RAI14: variants seen among roughly 807,000 people sequenced by gnomAD.
RAI14 encodes retinoic acid induced 14.
Under a neutral mutation model 115.4 loss-of-function variants are expected in RAI14, and 45 were observed. The observed-to-expected ratio is 0.39, with a 90% CI of 0.31 to 0.50. The LOEUF (loss-of-function observed/expected upper bound fraction) is 0.50. Among genes scored for constraint, RAI14 ranks in the 20% least tolerant of loss-of-function variants. The pLI is 0.85. For missense variants in RAI14, 939 were observed against 1,131.2 expected (o/e 0.83, Z 2.44); for synonymous variants, 371 against 415.4 (o/e 0.89, Z 1.30).
intron 3 of RAI14, among the ~76,000 whole-genome samples, chr5:34,783,596 A>C (rs1022872115): frequency 6.6e-6 from 1 of 152,176 alleles, no homozygotes; most frequent in Non-Finnish European, 1.5e-5. Context: ...TGCTGACAGC[A>C]TCTGGCCTTT....
chr5:34,732,114 G>C (rs1396468984), intron 2 of RAI14, among the ~76,000 whole-genome samples: 1 of 152,204 alleles, frequency 6.6e-6, no homozygotes, highest in East Asian at 1.9e-4. Flanking sequence ...GTCCAACATG[G>C]GATCAGCCAG....
At chr5:34,810,289 C>T (rs1472377503) in intron 7 of RAI14, among the ~76,000 whole-genome samples, 1 of 152,022 alleles carries the variant, frequency 6.6e-6, no homozygotes, top group Non-Finnish European at 1.5e-5. Context: ...TGTGTCAGAC[C>T]TAAGATTACA....
At chr5:34,665,178 C>CATATATATATATATATATATATAT (rs201354748) in intron 1 of RAI14, among the ~76,000 whole-genome samples, 2 of 7,088 alleles carry the variant, frequency 2.8e-4, no homozygotes, top group Non-Finnish European at 6.2e-4. Context: ...TATATACACA[C>CATATATATATATATATATATATAT]ATATATATAT....
At chr5:34,780,293 C>A (rs893984629) in intron 3 of RAI14, among the ~76,000 whole-genome samples, 8 of 152,212 alleles carry the variant, frequency 5.3e-5, no homozygotes, top group African/African-American at 1.9e-4. Context: ...TAGGCAATAC[C>A]ATTCAGGACA....
At chr5:34,822,664 CTTTTTTTTTTTTTTTTTTTTTTTTT>C (rs143092935) in intron 14 of RAI14, among the ~76,000 whole-genome samples, 2 of 47,534 alleles carry the variant, frequency 4.2e-5, no homozygotes, top group East Asian at 7.2e-4. Flanking sequence ...CCTTTGGTAT[CTTTTTTTTTTTTTTTTTTTTTTTTT>C]TTTTTTTTTT....
intron 2 of RAI14, among the ~76,000 whole-genome samples, chr5:34,728,212 C>T (rs1415101549): frequency 1.3e-5 from 2 of 152,178 alleles, no homozygotes; most frequent in Non-Finnish European, 2.9e-5. Context: ...AACCAACTTA[C>T]TTTTAATTTT....
At chr5:34,714,031 T>G (rs1303779348) in intron 2 of RAI14, among the ~76,000 whole-genome samples, 1 of 152,128 alleles carries the variant, frequency 6.6e-6, no homozygotes, top group African/African-American at 2.4e-5. Flanking sequence ...CTCGAACTCC[T>G]GACCTCATGA....
intron 2 of RAI14, among the ~76,000 whole-genome samples, chr5:34,722,721 T>C (rs1742931447): frequency 6.6e-6 from 1 of 151,244 alleles, no homozygotes; most frequent in Admixed American, 6.6e-5. Context: ...TGTTGTGCTC[T>C]TGTAATTCCA....
intron 2 of RAI14, among the ~76,000 whole-genome samples, chr5:34,696,367 A>G (rs369697711): frequency 7.2e-5 from 11 of 151,880 alleles, no homozygotes; most frequent in African/African-American, 2.4e-4. Context: ...CGATCTCCTG[A>G]CCTCATGATC....
chr5:34,804,216 A>G (rs1474103723), intron 5 of RAI14, among the ~76,000 whole-genome samples: 1 of 152,154 alleles, frequency 6.6e-6, no homozygotes, highest in Non-Finnish European at 1.5e-5. Flanking sequence ...TTATTTCCTC[A>G]TATGTAACTT....
At position 34,811,052 on chromosome 5, in the gene RAI14, A is replaced by T; in HGVS notation, c.491A>T (p.His164Leu). ...CTGCTTCTTGCTGTACAAAATGGTC[A>T]CAGTGAGATCTGTCACTTTCTCCTG... ...IPLLLAVQNG[H>L]SEICHFLLDH... Residue 164 changes from histidine (H) to leucine (L), a missense_variant, in exon 8 of 18, where the codon CAC becomes CTC. Coordinates refer to ENST00000265109, the MANE Select transcript of RAI14 (RefSeq NM_015577.3). 6.2e-7 allele frequency: 1 copy of T among 1,614,140 alleles called. No individual in the cohort carries two copies. The highest frequency in any genetic ancestry group is 8.5e-7 in the Non-Finnish European group (1 of 1,180,020).
At chr5:34,821,598 C>T in intron 13 of RAI14, 134 bp from the exon 14 acceptor site, 1 of 597,632 alleles carries the variant, frequency 1.7e-6, no homozygotes, top group Non-Finnish European at 3.0e-6. Context: ...TTAGTTCACC[C>T]ATCCAGCTGC....
chr5:34,759,130 G>A (rs894337181), intron 3 of RAI14, among the ~76,000 whole-genome samples: 1 of 152,156 alleles, frequency 6.6e-6, no homozygotes, highest in African/African-American at 2.4e-5. Flanking sequence ...AGGTATGGTG[G>A]CAGGCACCTA....
At chr5:34,829,620 A>G (rs1757818720) in intron 16 of RAI14, 112 bp from the exon 17 acceptor site, 3 of 750,018 alleles carry the variant, frequency 4.0e-6, no homozygotes, top group Admixed American at 5.6e-5. Flanking sequence ...GCTAGCATAA[A>G]GTGGAGGGGA....
chr5:34,766,316 C>T (rs1413102799), intron 3 of RAI14, among the ~76,000 whole-genome samples: 1 of 152,176 alleles, frequency 6.6e-6, no homozygotes, highest in African/African-American at 2.4e-5. Flanking sequence ...CACTCAACAC[C>T]AGCCCGTGAG....
At chr5:34,738,898 C>T (rs912024479) in intron 2 of RAI14, among the ~76,000 whole-genome samples, 1 of 152,124 alleles carries the variant, frequency 6.6e-6, no homozygotes, top group African/African-American at 2.4e-5. Flanking sequence ...GATGAATTTT[C>T]CCCTAAGTTC....
chr5:34,743,344 A>G (rs547054193), intron 2 of RAI14, among the ~76,000 whole-genome samples: 1 of 152,094 alleles, frequency 6.6e-6, no homozygotes, highest in African/African-American at 2.4e-5. Context: ...TTGTAGGCAC[A>G]CCACTCTAAT....
At chr5:34,690,734 G>T (rs115732657) in intron 2 of RAI14, among the ~76,000 whole-genome samples, 2,496 of 151,576 alleles carry the variant, frequency 0.016, 71 homozygotes, top group African/African-American at 0.057. Flanking sequence ...GGACCCTGCA[G>T]ATAACCCACA....
At position 34,822,349 on chromosome 5, in the gene RAI14, TAAG is replaced by T. The variant is rs1441727401; in HGVS notation, c.1113+508_1113+510del. On this transcript the variant is annotated intron_variant, in intron 14 of 17. Coordinates refer to ENST00000265109, the MANE Select transcript of RAI14 (RefSeq NM_015577.3). Reference sequence around the variant, plus strand: ...GATAAGAAATGGCTGTACCAAAAAATAAGAAGAAGAAATAGCTGTACTATATAT... The same window carrying T: ...GATAAGAAATGGCTGTACCAAAAAATAAGAAGAAATAGCTGTACTATATAT... Among the ~76,000 whole-genome samples the T allele has an allele frequency of 3.3e-5, 5 of 149,458 alleles. No individual in the cohort carries two copies. In the East Asian group the frequency reaches 7.8e-4, roughly 23 times the overall value.
Sources: gnomAD v4.1 joint callset for allele counts (sites outside exome capture counted in the v4.1 genomes callset) on GRCh38, gnomAD v4.1.1 for gene constraint, MANE v1.5 for transcripts, NCBI Gene and HGNC (gene_info 2026-07-23, HGNC 2026-07-21) for gene names.